The following MEI1 variants were observed in gnomAD, a reference collection of about 807,000 sequenced individuals.
The protein encoded by MEI1 is meiosis inhibitor protein 1.
In MEI1, 103 loss-of-function variants were observed where a neutral mutation model predicts 146.2. The ratio of observed to expected loss-of-function variants is 0.70; its 90% confidence interval spans 0.60 to 0.83. The LOEUF (loss-of-function observed/expected upper bound fraction) is 0.83. Among genes scored for constraint, MEI1 ranks in the 40% least tolerant of loss-of-function variants. MEI1 has a pLI of 0.00. For synonymous variants in MEI1, 652 were observed against 628.2 expected (o/e 1.04, Z -0.57); for missense variants, 1,529 against 1,533.0 (o/e 1.00, Z 0.04).
At chr22:41,729,428 G>C (rs752301388) in intron 7 of MEI1, among the ~76,000 whole-genome samples, 1 of 152,178 alleles carries the variant, frequency 6.6e-6, no homozygotes, top group Admixed American at 6.5e-5. Context: ...TGTTCTTTGA[G>C]TGCCCCTGGT....
chr22:41,777,290 G>C (rs1299597659), intron 21 of MEI1, among the ~76,000 whole-genome samples: 2 of 151,868 alleles, frequency 1.3e-5, no homozygotes, highest in African/African-American at 2.4e-5. Context: ...ATAGTAGCTG[G>C]AATTACAGGC....
rs2073837147 is a variant in MEI1, at chr22:41,752,612, T to G, written c.1814T>G (p.Leu605Arg). 1 of 1,600,112 alleles carries G rather than the reference T, an allele frequency of 6.2e-7. No homozygotes were observed. Among genetic ancestry groups the G allele is most frequent in the Non-Finnish European group, 8.5e-7 (1 of 1,173,428 alleles). ...KKLASSSFIRLTLELKARFCS... is the reference protein window; with the variant it reads ...KKLASSSFIRRTLELKARFCS... The stretch of plus-strand genomic sequence containing the variant: ...GAAGCTTCCTCATCCTTCATACGAC[T>G]GACCCTGGAGCTGAAGGCCAGGTTT... The change falls in exon 16 of 31, where the codon CTG (leucine) becomes CGG (arginine). Residue 605 changes from leucine to arginine, a missense_variant. Around this residue, in one of 3 missense-constraint regions of MEI1, gnomAD observed 1,212 missense variants for 1,178.9 expected, o/e 1.03. Coordinates refer to ENST00000401548, the MANE Select transcript of MEI1 (RefSeq NM_152513.4).
chr22:41,769,152 T>G (rs1465244270), intron 19 of MEI1, among the ~76,000 whole-genome samples: 19 of 152,152 alleles, frequency 1.2e-4, no homozygotes, highest in Non-Finnish European at 1.5e-5. Flanking sequence ...ACTCATACCT[T>G]TTTTATTTTG....
At chr22:41,745,636 G>A (rs5758450) in intron 13 of MEI1, among the ~76,000 whole-genome samples, 126,793 of 152,090 alleles carry the variant, frequency 0.83, 53,801 homozygotes, top group African/African-American at 0.95. Context: ...TGGCATATTC[G>A]GGGAAATACA....
At chr22:41,773,806 C>T (rs1445821102) in intron 20 of MEI1, among the ~76,000 whole-genome samples, 2 of 152,056 alleles carry the variant, frequency 1.3e-5, no homozygotes, top group Non-Finnish European at 2.9e-5. Context: ...ACCCAGGAGG[C>T]GGAGGTTGCA....
intron 6 of MEI1, among the ~76,000 whole-genome samples, chr22:41,720,387 A>G (rs142619712): frequency 0.012 from 1,806 of 152,054 alleles, 15 homozygotes; most frequent in Non-Finnish European, 0.019. Context: ...GGGAAATCTC[A>G]ACTGGTTATA....
intron 26 of MEI1, 39 bp downstream of exon 26, chr22:41,784,822 C>A: frequency 6.6e-7 from 1 of 1,516,704 alleles, no homozygotes; most frequent in South Asian, 1.3e-5. Flanking sequence ...TCTCCCAGGA[C>A]AACAGCAGGA....
At chr22:41,759,155 TATAAAA>T (rs1412228427) in intron 18 of MEI1, among the ~76,000 whole-genome samples, 40 of 150,932 alleles carry the variant, frequency 2.7e-4, no homozygotes, top group African/African-American at 9.0e-4. Flanking sequence ...TCAAAAAGGA[TATAAAA>T]ATAAAAATAA....
chr22:41,764,571 G>C (rs1012344753), intron 19 of MEI1, among the ~76,000 whole-genome samples: 4 of 152,204 alleles, frequency 2.6e-5, no homozygotes, highest in African/African-American at 4.8e-5. Flanking sequence ...TTTAGCTTTA[G>C]ACTGAAGGGT....
chr22:41,740,753 C>G (rs2072791890), intron 11 of MEI1, among the ~76,000 whole-genome samples: 1 of 152,012 alleles, frequency 6.6e-6, no homozygotes, highest in African/African-American at 2.4e-5. Flanking sequence ...AAAACAAAAA[C>G]AAACCCAAGA....
At chr22:41,742,988 A>G (rs985665643) in intron 11 of MEI1, 92 bp from the exon 12 acceptor site, 3 of 831,396 alleles carry the variant, frequency 3.6e-6, no homozygotes, top group Non-Finnish European at 6.0e-6. Flanking sequence ...GTTCTGATCC[A>G]ACTGCACTGC....
At chr22:41,753,710 C>T (rs993088739) in intron 16 of MEI1, 9 of 391,222 alleles carry the variant, frequency 2.3e-5, no homozygotes, top group Non-Finnish European at 4.3e-5. Flanking sequence ...AACTCCTGAC[C>T]TCAGGTGATC....
intron 17 of MEI1, among the ~76,000 whole-genome samples, chr22:41,756,157 T>G (rs1426995597): frequency 1.3e-5 from 2 of 152,212 alleles, no homozygotes; most frequent in Non-Finnish European, 2.9e-5. Context: ...TTTTGTTTTT[T>G]GAGGCAGAGT....
At position 41,795,359 on chromosome 22, in the gene MEI1, T is replaced by C; in HGVS notation, c.3535-52T>C. 1 of 1,605,918 alleles carries C rather than the reference T, an allele frequency of 6.2e-7. No homozygotes were observed. Among genetic ancestry groups the C allele is most frequent in the Non-Finnish European group, 8.5e-7 (1 of 1,174,892 alleles). On this transcript the variant is annotated intron_variant, in intron 28 of 30. Transcript: ENST00000401548. The surrounding 1 kb of genome is among the most constrained non-coding windows in gnomAD (Gnocchi z 4.2). ...GTTGGGGCACAGCAGTTGTCTATGA[T>C]GAAGGAGATGCCAAATCACTGGGTG...
chr22:41,714,187 C>A, intron 4 of MEI1, 112 bp downstream of exon 4: 1 of 971,074 alleles, frequency 1.0e-6, no homozygotes, highest in Non-Finnish European at 1.6e-6. Flanking sequence ...AGGAGCTTTC[C>A]TGAGGTCACT....
rs1005336775 is a variant in MEI1 at position 41,746,145 on chromosome 22, A to G, written c.1680+119A>G. 2.6e-5 allele frequency: 23 copies of G among 874,492 alleles called. No individual in the cohort carries two copies. In the Middle Eastern group the frequency reaches 1.1e-3, roughly 43 times the overall value. The allele number at this position is 874,492 out of a possible 1,614,324, so 54.2% of individuals were successfully genotyped here. Reference sequence around the variant, plus strand: ...AAAGGAACTCTCTGGGGGCCTCAGCAGTGCAATTCTTGCTGCTACCTTTCC... The same window carrying G: ...AAAGGAACTCTCTGGGGGCCTCAGCGGTGCAATTCTTGCTGCTACCTTTCC... On this transcript the variant is annotated intron_variant, in intron 14 of 30. Coordinates refer to ENST00000401548, the MANE Select transcript of MEI1 (RefSeq NM_152513.4).
At chr22:41,792,923 A>G (rs1355916285) in intron 26 of MEI1, among the ~76,000 whole-genome samples, 1 of 151,202 alleles carries the variant, frequency 6.6e-6, no homozygotes, top group Non-Finnish European at 1.5e-5. Context: ...TGCTTTAAAA[A>G]AAAAAAAAAA....
intron 30 of MEI1, among the ~76,000 whole-genome samples, chr22:41,796,721 G>C (rs532633268): frequency 2.4e-4 from 36 of 152,244 alleles, no homozygotes; most frequent in African/African-American, 8.4e-4. Context: ...AAGTGCGGTG[G>C]CTCACGCCTG....
chr22:41,775,931 C>T (rs1413091798), intron 20 of MEI1, 171 bp from the exon 21 acceptor site: 1 of 603,644 alleles, frequency 1.7e-6, no homozygotes, highest in Non-Finnish European at 2.9e-6. Context: ...TTTGAGGCGT[C>T]AGTGCACCTA....
Sources: gnomAD v4.1 joint callset for allele counts (sites outside exome capture counted in the v4.1 genomes callset) on GRCh38, gnomAD v4.1.1 for gene constraint, gnomAD v4.1.1 regional missense constraint, Gnocchi (gnomAD v3.1) non-coding constraint, MANE v1.5 for transcripts, NCBI Gene and HGNC (gene_info 2026-07-23, HGNC 2026-07-21) for gene names.